Variants in GCGR observed in about 807,000 individuals in gnomAD.
GCGR encodes glucagon receptor.
A neutral mutation model predicts 56.1 loss-of-function variants in GCGR; 41 were observed. The ratio of observed to expected loss-of-function variants is 0.73; its 90% CI spans 0.57 to 0.95. The LOEUF is 0.95. Ranked by LOEUF, GCGR falls within the 40% of genes least tolerant of loss-of-function variation. GCGR has a pLI of 0.00. For synonymous variants in GCGR, 278 were observed against 271.1 expected (o/e 1.03, Z -0.25); for missense variants, 595 against 638.2 (o/e 0.93, Z 0.73).
Position 81,810,364 on chromosome 17 carries a change from G to C in GCGR, c.164-461G>C. The C allele has an allele frequency of 3.0e-6, 1 of 330,488 alleles. No homozygotes were observed. The highest frequency in any genetic ancestry group is 2.1e-5 in the African/African-American group (1 of 47,098). 20.5% of individuals were successfully genotyped at this position (330,488 alleles called of 1,614,324 possible). On this transcript the variant is annotated intron_variant, in intron 3 of 13. Coordinates refer to ENST00000400723, the MANE Select transcript of GCGR (RefSeq NM_000160.5). The surrounding 1 kb of genome is among the most constrained non-coding windows in gnomAD (Gnocchi z 4.6). ...TGAGGGAGGCAGCCACCACTGGGCA[G>C]AGGGGGGCAGGTGTGGCAGCCTCCA...
rs769579480 is a variant in GCGR, at chr17:81,810,999, C to CA, written c.272-10dup. ...GGTGGGGCTGACCCCAGCCTCCCCC[C>CA]ACACCCCCAGTGCAACACCGCTTCG... On this transcript the variant is annotated splice_polypyrimidine_tract_variant and intron_variant, in intron 4 of 13. Coordinates refer to ENST00000400723, the MANE Select transcript of GCGR (RefSeq NM_000160.5). The surrounding 1 kb of genome is among the most constrained non-coding windows in gnomAD (Gnocchi z 4.6). 1 of 1,535,854 alleles carries CA rather than the reference C, an allele frequency of 6.5e-7. No individual in the cohort carries two copies. The highest frequency in any genetic ancestry group is 1.2e-5 in the South Asian group (1 of 84,048).
chr17:81,812,035 G>A lies in GCGR; in HGVS notation c.878+89G>A. 1.3e-6 allele frequency: 2 copies of A among 1,514,496 alleles called. No individual in the cohort carries two copies. Among genetic ancestry groups the A allele is most frequent in the Non-Finnish European group, 1.8e-6 (2 of 1,127,816 alleles). 93.8% of individuals were successfully genotyped at this position (1,514,496 alleles called of 1,614,324 possible). A position where few individuals can be genotyped will look rare whatever the true frequency, so the allele number is the denominator to read the frequency against. ...TGAGGCAGGGAGGGGCCGGGGATGA[G>A]CCTGGTGCCTGGGGAGGGGGTCATT... On this transcript the variant is annotated intron_variant, in intron 9 of 13. Coordinates refer to ENST00000400723, the MANE Select transcript of GCGR (RefSeq NM_000160.5). This position sits in a 1 kb window ranked among gnomAD's most constrained non-coding sequence, Gnocchi z 8.5.
chr17:81,808,589 C>T (rs1172078399), intron 1 of GCGR, among the ~76,000 whole-genome samples: 4 of 151,106 alleles, frequency 2.6e-5, no homozygotes, highest in South Asian at 2.1e-4. Flanking sequence ...GCTTGATCTC[C>T]GCTCACTGCA....
chr17:81,807,034 TCCTCACCCAGCC>T lies in GCGR; in HGVS notation c.-177-1806_-177-1795del, dbSNP rs539316343. Among the ~76,000 whole-genome samples the T allele has an allele frequency of 2.1e-3, 318 of 152,232 alleles. 1 individual carries two copies. The highest frequency in any genetic ancestry group is 2.2e-3 in the Non-Finnish European group (148 of 68,006). Reference sequence around the variant, plus strand: ...AGTGGGGAGAGGCGGCTCCTGCTGCTCCTCACCCAGCCCGGCTCAGTGGCCGGAGCCGCCCAG... The same window carrying T: ...AGTGGGGAGAGGCGGCTCCTGCTGCTCGGCTCAGTGGCCGGAGCCGCCCAG... On this transcript the variant is annotated intron_variant, in intron 1 of 13. Coordinates refer to ENST00000400723, the MANE Select transcript of GCGR (RefSeq NM_000160.5).
In GCGR at chr17:81,811,923, CAAGT is replaced by C; in HGVS notation, c.856_859del (p.Lys286ValfsTer30). 1 of 1,537,044 alleles carries C rather than the reference CAAGT, an allele frequency of 6.5e-7. No individual in the cohort carries two copies. The highest frequency in any genetic ancestry group is 8.7e-7 in the Non-Finnish European group (1 of 1,146,882). Reference sequence around the variant, plus strand: ...TGTTCGTCGTCCCCTGGGCAGTGGTCAAGTGTCTGTTCGAGAACGTCCAGTGAGT... The same window carrying C: ...TGTTCGTCGTCCCCTGGGCAGTGGTCGTCTGTTCGAGAACGTCCAGTGAGT... On this transcript the variant is annotated frameshift_variant, in exon 9 of 14. Transcript: ENST00000400723. LOFTEE classifies it high-confidence loss of function. The surrounding 1 kb of genome is among the most constrained non-coding windows in gnomAD (Gnocchi z 5.8).
chr17:81,813,863 G>T lies in GCGR; in HGVS notation c.*174G>T. 1.6e-6 allele frequency: 1 copy of T among 634,614 alleles called. No individual in the cohort carries two copies. The highest frequency in any genetic ancestry group is 2.7e-6 in the Non-Finnish European group (1 of 367,532). 39.3% of individuals were successfully genotyped at this position (634,614 alleles called of 1,614,324 possible). ...GATTGGGCCTCCTCTCCCTGCACCT[G>T]CCTTGTCCCTGGTGCAGAGGTGAGC... On this transcript the variant is annotated 3_prime_UTR_variant, in exon 14 of 14. Transcript: ENST00000400723. The surrounding 1 kb of genome is among the most constrained non-coding windows in gnomAD (Gnocchi z 5.3).
At chr17:81,805,477 G>T (rs1428075131) in intron 1 of GCGR, among the ~76,000 whole-genome samples, 2 of 152,090 alleles carry the variant, frequency 1.3e-5, no homozygotes, top group Admixed American at 6.5e-5. Flanking sequence ...GAGAAGGCGG[G>T]CAGGGCACCT....
In GCGR at chr17:81,811,155, G is replaced by A. The variant is rs369835018; in HGVS notation, c.393+24G>A. The A allele has an allele frequency of 1.7e-4, 267 of 1,536,118 alleles. No individual in the cohort carries two copies. In the African/African-American group the frequency reaches 3.1e-3, roughly 18 times the overall value. On this transcript the variant is annotated intron_variant, in intron 5 of 13. Transcript: ENST00000400723. This position sits in a 1 kb window ranked among gnomAD's most constrained non-coding sequence, Gnocchi z 5.8. ...AGGTCAGTGGGCGGCAGGCAGGCGCGGTGGGGCTGGATGGGAACGGGCATG... is the reference window on the plus strand; with the variant it reads ...AGGTCAGTGGGCGGCAGGCAGGCGCAGTGGGGCTGGATGGGAACGGGCATG...
In GCGR at chr17:81,813,460, G is replaced by C. The variant is rs989942047; in HGVS notation, c.1219-14G>C. ...GCAGGCCCTAGGACTGGCCTGCCCCGTCCCCCTCCCCAGGTGCAGTCGGAG... is the reference window on the plus strand; with the variant it reads ...GCAGGCCCTAGGACTGGCCTGCCCCCTCCCCCTCCCCAGGTGCAGTCGGAG... On this transcript the variant is annotated splice_polypyrimidine_tract_variant and intron_variant, in intron 13 of 13. Transcript: ENST00000400723. This position sits in a 1 kb window ranked among gnomAD's most constrained non-coding sequence, Gnocchi z 5.3. 6.5e-7 allele frequency: 1 copy of C among 1,533,734 alleles called. No individual in the cohort carries two copies. The highest frequency in any genetic ancestry group is 8.7e-7 in the Non-Finnish European group (1 of 1,146,380).
At position 81,812,314 on chromosome 17, in the gene GCGR, G is replaced by A; in HGVS notation, c.948+62G>A. On this transcript the variant is annotated intron_variant, in intron 10 of 13. Transcript: ENST00000400723. The surrounding 1 kb of genome is among the most constrained non-coding windows in gnomAD (Gnocchi z 8.5). ...CCTCCTCCCTTGGCGTCCTGAGGCT[G>A]CCCCAGGAGACAGCAGCATCCTGTC... 6.6e-7 allele frequency: 1 copy of A among 1,512,536 alleles called. No individual in the cohort carries two copies. Among genetic ancestry groups the A allele is most frequent in the Non-Finnish European group, 8.9e-7 (1 of 1,127,310 alleles). The allele number at this position is 1,512,536 out of a possible 1,614,324, so 93.7% of individuals were successfully genotyped here.
chr17:81,809,418 C>CCTGT (rs1257165379), intron 2 of GCGR, among the ~76,000 whole-genome samples: 3 of 129,884 alleles, frequency 2.3e-5, no homozygotes, highest in East Asian at 2.5e-4. Context: ...TGTCCGTCTG[C>CCTGT]CTGCCTGTCC....
In GCGR at chr17:81,812,086, A is replaced by G; in HGVS notation, c.879-97A>G. ...TGTGACCTTCTCCCTTCCTTTTCTG[A>G]GACCCGAATTAGATCCTGGCAAAAT... On this transcript the variant is annotated intron_variant, in intron 9 of 13. Transcript: ENST00000400723. The surrounding 1 kb of genome is among the most constrained non-coding windows in gnomAD (Gnocchi z 8.5). 1 of 1,507,894 alleles carries G rather than the reference A, an allele frequency of 6.6e-7. No homozygotes were observed. Among genetic ancestry groups the G allele is most frequent in the South Asian group, 1.2e-5 (1 of 83,442 alleles). 93.4% of individuals were successfully genotyped at this position (1,507,894 alleles called of 1,614,324 possible).
In GCGR at chr17:81,813,074, G is replaced by A. The variant is rs1209575199; in HGVS notation, c.1218+17G>A. On this transcript the variant is annotated intron_variant, in intron 13 of 13. Transcript: ENST00000400723. This position sits in a 1 kb window ranked among gnomAD's most constrained non-coding sequence, Gnocchi z 5.3. ...AACAAGGAGGTAGGTGGGAGTGGGGGCATCTGAGACCATCAGCACTGGCCG... is the reference window on the plus strand; with the variant it reads ...AACAAGGAGGTAGGTGGGAGTGGGGACATCTGAGACCATCAGCACTGGCCG... The A allele has an allele frequency of 2.6e-6, 4 of 1,535,656 alleles. No individual in the cohort carries two copies. The highest frequency in any genetic ancestry group is 1.7e-6 in the Non-Finnish European group (2 of 1,146,796).
chr17:81,813,330 T>C lies in GCGR; in HGVS notation c.1219-144T>C, dbSNP rs1458916761. The C allele has an allele frequency of 1.1e-6, 1 of 900,198 alleles. No homozygotes were observed. Among genetic ancestry groups the C allele is most frequent in the East Asian group, 2.6e-5 (1 of 37,764 alleles). The allele number at this position is 900,198 out of a possible 1,614,324, so 55.8% of individuals were successfully genotyped here. A position where few individuals can be genotyped will look rare whatever the true frequency, so the allele number is the denominator to read the frequency against. The stretch of plus-strand genomic sequence containing the variant: ...CTTTCCGTGGCGATGCTGGGTGGCA[T>C]AGCTGTGCCCAGCAGGGAGCTTGTG... On this transcript the variant is annotated intron_variant, in intron 13 of 13. Coordinates refer to ENST00000400723, the MANE Select transcript of GCGR (RefSeq NM_000160.5). The surrounding 1 kb of genome is among the most constrained non-coding windows in gnomAD (Gnocchi z 5.3).
In GCGR at chr17:81,812,669, G is replaced by C. The variant is rs1053496529; in HGVS notation, c.1037+4G>C. 4 of 1,533,090 alleles carry C rather than the reference G, an allele frequency of 2.6e-6. No individual in the cohort carries two copies. In the African/African-American group the frequency reaches 4.1e-5, roughly 16 times the overall value. The allele number at this position is 1,533,090 out of a possible 1,614,324, so 95.0% of individuals were successfully genotyped here. On this transcript the variant is annotated splice_donor_region_variant and intron_variant, in intron 11 of 13. Transcript: ENST00000400723. This position sits in a 1 kb window ranked among gnomAD's most constrained non-coding sequence, Gnocchi z 8.5. ...ACCACACAGACTACAAGTTCCGGTG[G>C]GTGCCGCGGCAGCTGGCGTCTCGAG...
At chr17:81,805,866 C>T (rs983662389) in intron 1 of GCGR, among the ~76,000 whole-genome samples, 1 of 152,140 alleles carries the variant, frequency 6.6e-6, no homozygotes, top group African/African-American at 2.4e-5. Context: ...CGGGGAGCCC[C>T]GAGTGGCAGC....
Position 81,813,156 on chromosome 17 carries a change from T to C in GCGR, c.1218+99T>C. 1 of 1,501,446 alleles carries C rather than the reference T, an allele frequency of 6.7e-7. No homozygotes were observed. Among genetic ancestry groups the C allele is most frequent in the Non-Finnish European group, 8.9e-7 (1 of 1,117,684 alleles). 93.0% of individuals were successfully genotyped at this position (1,501,446 alleles called of 1,614,324 possible). The stretch of plus-strand genomic sequence containing the variant: ...TGCCAGCCCCACCCCTGCCCGGGGG[T>C]TGGAACACGTGGGGCCCAAGCCTTT... On this transcript the variant is annotated intron_variant, in intron 13 of 13. Coordinates refer to ENST00000400723, the MANE Select transcript of GCGR (RefSeq NM_000160.5). This position sits in a 1 kb window ranked among gnomAD's most constrained non-coding sequence, Gnocchi z 5.3.
In GCGR at chr17:81,804,858, G is replaced by A. The variant is rs970726536; in HGVS notation, c.-178+609G>A. On this transcript the variant is annotated intron_variant, in intron 1 of 13. Coordinates refer to ENST00000400723, the MANE Select transcript of GCGR (RefSeq NM_000160.5). This position sits in a 1 kb window ranked among gnomAD's most constrained non-coding sequence, Gnocchi z 8.2. ...CGGCGCCCCACCACCCGGCCGACTCGGCCACCGGGCTTATGCTCCGACTCT... is the reference window on the plus strand; with the variant it reads ...CGGCGCCCCACCACCCGGCCGACTCAGCCACCGGGCTTATGCTCCGACTCT... Among the ~76,000 whole-genome samples, 1 of 152,104 alleles carries A rather than the reference G, an allele frequency of 6.6e-6. No individual in the cohort carries two copies. The highest frequency in any genetic ancestry group is 1.5e-5 in the Non-Finnish European group (1 of 68,000).
rs2037965767 is a variant in GCGR, at chr17:81,806,364, G to A, written c.-178+2115G>A. On this transcript the variant is annotated intron_variant, in intron 1 of 13. Transcript: ENST00000400723. This position sits in a 1 kb window ranked among gnomAD's most constrained non-coding sequence, Gnocchi z 6.5. The stretch of plus-strand genomic sequence containing the variant: ...TCCGGGACTAGGGGTGCCCTATGGG[G>A]AGCCCACCTGTGGCCTGTGGATGCT... 6.6e-6 allele frequency among the ~76,000 whole-genome samples: 1 copy of A among 152,170 alleles called. No individual in the cohort carries two copies. The highest frequency in any genetic ancestry group is 2.1e-4 in the South Asian group (1 of 4,830).
Sources: allele counts gnomAD v4.1 joint callset (sites outside exome capture counted in the v4.1 genomes callset), GRCh38; gene constraint gnomAD v4.1.1; non-coding constraint Gnocchi (gnomAD v3.1); transcripts MANE v1.5; gene names NCBI Gene and HGNC (gene_info 2026-07-23, HGNC 2026-07-21).